The following FAM78B variants were observed in gnomAD, a reference collection of about 807,000 sequenced individuals.
The protein encoded by FAM78B is family with sequence similarity 78 member B, also known as protein FAM78B.
FAM78B carries 10 observed loss-of-function variants against 20.0 expected under a neutral mutation model. The observed-to-expected ratio is 0.50, with a 90% CI of 0.31 to 0.85. FAM78B has a LOEUF of 0.85. Among genes scored for constraint, FAM78B ranks in the 40% least tolerant of loss-of-function variants. FAM78B has a pLI of 0.05. For missense variants in FAM78B, 283 were observed against 345.0 expected, an observed-to-expected ratio of 0.82 and a Z score of 1.42; for synonymous variants, 135 against 132.8, an observed-to-expected ratio of 1.02 and a Z score of -0.12.
At chr1:166,094,044 T>G (rs1202914791) in intron 1 of FAM78B, among the ~76,000 whole-genome samples, 4 of 150,788 alleles carry the variant, frequency 2.7e-5, no homozygotes, top group Non-Finnish European at 5.9e-5. Flanking sequence ...TGTGTGTGTG[T>G]GTGGTGTTCT....
intron 1 of FAM78B, among the ~76,000 whole-genome samples, chr1:166,128,393 C>T (rs772902805): frequency 5.3e-5 from 8 of 152,236 alleles, no homozygotes; most frequent in Non-Finnish European, 8.8e-5. Flanking sequence ...AGAGCCTGGG[C>T]TGGCAGTCAG....
intron 1 of FAM78B, among the ~76,000 whole-genome samples, chr1:166,164,545 A>G (rs138908284): frequency 6.3e-4 from 96 of 152,358 alleles, no homozygotes; most frequent in African/African-American, 2.2e-3. Flanking sequence ...TGGGCCTCAC[A>G]TTTCTTCACT....
At chr1:166,141,040 G>C (rs1271370610) in intron 1 of FAM78B, among the ~76,000 whole-genome samples, 1 of 152,234 alleles carries the variant, frequency 6.6e-6, no homozygotes, top group African/African-American at 2.4e-5. Context: ...AACGAATGCA[G>C]CACAATTAGA....
At chr1:166,091,759 A>AAAAC (rs1288272830) in intron 1 of FAM78B, among the ~76,000 whole-genome samples, 6 of 152,232 alleles carry the variant, frequency 3.9e-5, no homozygotes, top group Non-Finnish European at 7.3e-5. Flanking sequence ...TACATTTCAC[A>AAAAC]AAACAATCCC....
chr1:166,158,843 G>A (rs1656024079), intron 1 of FAM78B, among the ~76,000 whole-genome samples: 1 of 152,216 alleles, frequency 6.6e-6, no homozygotes, highest in African/African-American at 2.4e-5. Context: ...GCACCACGAG[G>A]ACTCTGCTTC....
intron 1 of FAM78B, among the ~76,000 whole-genome samples, chr1:166,119,515 C>A (rs1654388279): frequency 1.3e-5 from 2 of 152,198 alleles, no homozygotes; most frequent in South Asian, 2.1e-4. Context: ...CCCAGAGCGA[C>A]AAGAATCAAT....
rs543890830 is a variant in FAM78B, at chr1:166,073,872, T to C, written c.264-3109A>G. Among the ~76,000 whole-genome samples, 4 of 152,274 alleles carry C rather than the reference T, an allele frequency of 2.6e-5. No individual in the cohort carries two copies. In the South Asian group the frequency reaches 8.3e-4, roughly 32 times the overall value. ...CTTTGGCTCTTTCCACACCCTCCCC[T>C]AGGCTGCCACAGTGACTGTATCACT... is the stretch of plus-strand genomic sequence containing the variant. On this transcript the variant is annotated intron_variant, in intron 1 of 1. Coordinates refer to ENST00000354422, the MANE Select transcript of FAM78B (RefSeq NM_001017961.5).
At chr1:166,117,362 CT>C (rs1188115275) in intron 1 of FAM78B, among the ~76,000 whole-genome samples, 1 of 151,950 alleles carries the variant, frequency 6.6e-6, no homozygotes, top group Non-Finnish European at 1.5e-5. Context: ...CTCTTTTTTT[CT>C]TTTATTATTA....
intron 1 of FAM78B, among the ~76,000 whole-genome samples, chr1:166,103,560 G>C (rs970731366): frequency 6.6e-6 from 1 of 152,172 alleles, no homozygotes; most frequent in African/African-American, 2.4e-5. Context: ...TACTGTCAGA[G>C]AATACTATAA....
At chr1:166,116,910 T>C (rs763075054) in intron 1 of FAM78B, among the ~76,000 whole-genome samples, 1 of 152,234 alleles carries the variant, frequency 6.6e-6, no homozygotes, top group Non-Finnish European at 1.5e-5. Context: ...TAGGATCCCA[T>C]GACGCTTTGT....
rs1379706940 is a variant in FAM78B, at chr1:166,157,033, CGGAG to C, written c.263+8949_263+8952del. On this transcript the variant is annotated intron_variant, in intron 1 of 1. Coordinates refer to ENST00000354422, the MANE Select transcript of FAM78B (RefSeq NM_001017961.5). ...GAGTGACATGACGTCAAGGGGGCGGCGGAGGGGGGGGGGGGGCTCCAATGCCTTC... is the reference window on the plus strand; with the variant it reads ...GAGTGACATGACGTCAAGGGGGCGGCGGGGGGGGGGGGCTCCAATGCCTTC... Among the ~76,000 whole-genome samples the C allele has an allele frequency of 0.01, 9 of 896 alleles. 1 individual carries two copies. In the Non-Finnish European group the frequency reaches 0.17, roughly 17 times the overall value. The allele number at this position is 896 out of a possible 152,430, so 0.6% of individuals were successfully genotyped here.
At chr1:166,109,890 G>GTATATATGTATGTGTA (rs1557903394) in intron 1 of FAM78B, among the ~76,000 whole-genome samples, 1 of 23,192 alleles carries the variant, frequency 4.3e-5, no homozygotes, top group African/African-American at 9.2e-5. Context: ...ATGTATATAT[G>GTATATATGTATGTGTA]TATATATATA....
intron 1 of FAM78B, among the ~76,000 whole-genome samples, chr1:166,132,626 C>T (rs1182011823): frequency 6.6e-6 from 1 of 152,134 alleles, no homozygotes; most frequent in Non-Finnish European, 1.5e-5. Flanking sequence ...TGAATCTCCA[C>T]CTAAGTATTG....
At chr1:166,118,385 G>A (rs1425913504) in intron 1 of FAM78B, among the ~76,000 whole-genome samples, 1 of 152,154 alleles carries the variant, frequency 6.6e-6, no homozygotes, top group Non-Finnish European at 1.5e-5. Context: ...CCTATCTAAT[G>A]TATAGTTTCA....
chr1:166,138,742 T>C (rs940120946), intron 1 of FAM78B, among the ~76,000 whole-genome samples: 2 of 152,254 alleles, frequency 1.3e-5, no homozygotes, highest in Non-Finnish European at 2.9e-5. Context: ...GTGTTTGTTT[T>C]TGAATTGTTT....
At chr1:166,092,218 A>G (rs80217635) in intron 1 of FAM78B, among the ~76,000 whole-genome samples, 2,516 of 152,322 alleles carry the variant, frequency 0.017, 64 homozygotes, top group African/African-American at 0.058. Flanking sequence ...TTTGTTAATT[A>G]TCTGTGCCAA....
chr1:166,138,138 C>A (rs897956266), intron 1 of FAM78B, among the ~76,000 whole-genome samples: 1 of 152,150 alleles, frequency 6.6e-6, no homozygotes, highest in Non-Finnish European at 1.5e-5. Flanking sequence ...AAGAGGATGA[C>A]GGCAGTAGGA....
chr1:166,127,088 T>C (rs1163288908), intron 1 of FAM78B, among the ~76,000 whole-genome samples: 1 of 152,220 alleles, frequency 6.6e-6, no homozygotes, highest in Non-Finnish European at 1.5e-5. Context: ...GGGTGACATA[T>C]AATGTTAAAC....
At chr1:166,126,479 T>C (rs1171978852) in intron 1 of FAM78B, among the ~76,000 whole-genome samples, 3 of 152,120 alleles carry the variant, frequency 2.0e-5, no homozygotes, top group Non-Finnish European at 4.4e-5. Flanking sequence ...TGCCAGGGAA[T>C]GGTCCAGGTA....
Sources: allele counts gnomAD v4.1 joint callset (sites outside exome capture counted in the v4.1 genomes callset), GRCh38; gene constraint gnomAD v4.1.1; transcripts MANE v1.5; gene names NCBI Gene and HGNC (gene_info 2026-07-23, HGNC 2026-07-21).